Variants in SBF2 observed in about 807,000 individuals in gnomAD.
SBF2 encodes myotubularin-related protein 13.
SBF2 carries 112 observed loss-of-function variants against 225.2 expected under a neutral mutation model. The observed-to-expected ratio is 0.50, with a 90% CI of 0.43 to 0.58. SBF2 has a LOEUF of 0.58. Ranked by LOEUF, SBF2 falls within the 20% of genes least tolerant of loss-of-function variation. SBF2 has a pLI of 0.00. For missense variants in SBF2, 1,996 were observed against 2,206.2 expected, an observed-to-expected ratio of 0.90 and a Z score of 1.91; for synonymous variants, 763 against 773.3, an observed-to-expected ratio of 0.99 and a Z score of 0.22.
intron 16 of SBF2, 82 bp downstream of exon 16, chr11:9,961,875 T>C: frequency 7.5e-7 from 1 of 1,329,446 alleles, no homozygotes. Context: ...CAAGAACTGA[T>C]ATATTGGTAA....
At chr11:9,986,958 G>A (rs12420950) in intron 13 of SBF2, among the ~76,000 whole-genome samples, 30,451 of 151,952 alleles carry the variant, frequency 0.2, 3,934 homozygotes, top group Non-Finnish European at 0.3. Flanking sequence ...CCCAAACCAG[G>A]AAAGGACATA....
intron 16 of SBF2, among the ~76,000 whole-genome samples, chr11:9,924,252 T>G (rs989763543): frequency 5.9e-5 from 9 of 152,178 alleles, no homozygotes; most frequent in Admixed American, 1.3e-4. Context: ...TATTTTCCAC[T>G]TTTAGTATAG....
At chr11:10,065,220 A>G (rs766738870) in intron 2 of SBF2, among the ~76,000 whole-genome samples, 77 of 152,180 alleles carry the variant, frequency 5.1e-4, no homozygotes, top group Non-Finnish European at 8.7e-4. Context: ...TCAGAACTAA[A>G]TGAAAATGAA....
intron 6 of SBF2, among the ~76,000 whole-genome samples, chr11:10,003,121 T>A (rs1948044726): frequency 6.6e-6 from 1 of 152,242 alleles, no homozygotes; most frequent in South Asian, 2.1e-4. Flanking sequence ...CTACTTCTTG[T>A]AAACAGCATA....
At chr11:10,118,587 T>A (rs1047777632) in intron 2 of SBF2, among the ~76,000 whole-genome samples, 75 of 152,232 alleles carry the variant, frequency 4.9e-4, no homozygotes, top group African/African-American at 1.7e-3. Context: ...TAAATAATAT[T>A]TGGTTGTACC....
At chr11:10,070,951 GCT>G (rs1420662303) in intron 2 of SBF2, among the ~76,000 whole-genome samples, 3 of 151,994 alleles carry the variant, frequency 2.0e-5, no homozygotes, top group Non-Finnish European at 4.4e-5. Flanking sequence ...TCATGGTTTG[GCT>G]CTCTGTTTGT....
intron 2 of SBF2, among the ~76,000 whole-genome samples, chr11:10,148,408 G>A (rs1194189158): frequency 6.6e-6 from 1 of 152,088 alleles, no homozygotes; most frequent in Non-Finnish European, 1.5e-5. Context: ...CATACATGGG[G>A]GCTATCTGAG....
intron 13 of SBF2, among the ~76,000 whole-genome samples, chr11:9,987,016 T>C (rs1947225846): frequency 6.6e-6 from 1 of 152,018 alleles, no homozygotes; most frequent in Non-Finnish European, 1.5e-5. Flanking sequence ...ACACAGATGC[T>C]AAAATCCTTA....
At chr11:10,161,963 C>T (rs1430481148) in intron 2 of SBF2, among the ~76,000 whole-genome samples, 1 of 152,096 alleles carries the variant, frequency 6.6e-6, no homozygotes, top group East Asian at 1.9e-4. Flanking sequence ...CTTGGCTGGG[C>T]AACACAGTGA....
At chr11:9,896,151 G>A in intron 16 of SBF2, 140 bp from the exon 17 acceptor site, 1 of 705,052 alleles carries the variant, frequency 1.4e-6, no homozygotes, top group Admixed American at 2.1e-5. Context: ...TGACGGAGGG[G>A]TTTGTACTCT....
intron 37 of SBF2, 87 bp downstream of exon 37, chr11:9,785,038 C>CT: frequency 8.9e-7 from 1 of 1,128,404 alleles, no homozygotes. Flanking sequence ...CTGTACTGCA[C>CT]AGGCCTAGCT....
At chr11:10,168,267 C>T (rs900220747) in intron 2 of SBF2, among the ~76,000 whole-genome samples, 1 of 152,098 alleles carries the variant, frequency 6.6e-6, no homozygotes, top group Admixed American at 6.5e-5. Context: ...AATGAATAGA[C>T]TAGAATCTAT....
chr11:9,854,917 A>G (rs1213503244), intron 19 of SBF2, among the ~76,000 whole-genome samples: 1 of 152,222 alleles, frequency 6.6e-6, no homozygotes, highest in Non-Finnish European at 1.5e-5. Context: ...AATGTAAAAT[A>G]TAGTTATTGC....
At chr11:9,799,788 G>T (rs117754022) in intron 32 of SBF2, among the ~76,000 whole-genome samples, 1 of 152,290 alleles carries the variant, frequency 6.6e-6, no homozygotes, top group Non-Finnish European at 1.5e-5. Context: ...GACTCAGTTT[G>T]TCCAGTTCAC....
At chr11:10,237,041 A>G (rs1959101974) in intron 1 of SBF2, among the ~76,000 whole-genome samples, 1 of 152,220 alleles carries the variant, frequency 6.6e-6, no homozygotes, top group African/African-American at 2.4e-5. Context: ...ATGAAGGTTT[A>G]GAAGATAAGC....
chr11:9,953,909 T>A (rs988884932), intron 16 of SBF2, among the ~76,000 whole-genome samples: 16 of 152,136 alleles, frequency 1.1e-4, no homozygotes, highest in Non-Finnish European at 2.4e-4. Context: ...TTCACTGGGT[T>A]TTAAAATTAT....
At chr11:10,081,293 C>T (rs904568426) in intron 2 of SBF2, among the ~76,000 whole-genome samples, 5 of 152,016 alleles carry the variant, frequency 3.3e-5, no homozygotes, top group Non-Finnish European at 5.9e-5. Flanking sequence ...CATACAAACA[C>T]ATAGAAATTA....
intron 1 of SBF2, among the ~76,000 whole-genome samples, chr11:10,275,076 G>A (rs528969431): frequency 1.3e-5 from 2 of 152,072 alleles, no homozygotes; most frequent in South Asian, 2.1e-4. Flanking sequence ...ATGGACACCT[G>A]AACTCAATAG....
chr11:10,090,764 CA>C lies in SBF2; in HGVS notation c.142-47784del, dbSNP rs201577494. Among the ~76,000 whole-genome samples, 400 of 44,402 alleles carry C rather than the reference CA, an allele frequency of 9.0e-3. 2 individuals are homozygous for C. The Middle Eastern group carries it at 0.11, about 13-fold the overall frequency. 29.1% of individuals were successfully genotyped at this position (44,402 alleles called of 152,430 possible). Reference sequence around the variant, plus strand: ...TGGGAGTCAGAGCAAGATTCCATCTCAAAAAAAAAAAAAAAAAAAAAGCTAT... The same window carrying C: ...TGGGAGTCAGAGCAAGATTCCATCTCAAAAAAAAAAAAAAAAAAAAGCTAT... On this transcript the variant is annotated intron_variant, in intron 2 of 39. Coordinates refer to ENST00000256190, the MANE Select transcript of SBF2 (RefSeq NM_030962.4).
Sources: gnomAD v4.1 joint callset for allele counts (sites outside exome capture counted in the v4.1 genomes callset) on GRCh38, gnomAD v4.1.1 for gene constraint, MANE v1.5 for transcripts, NCBI Gene and HGNC (gene_info 2026-07-23, HGNC 2026-07-21) for gene names.